Variants in CCDC141 observed in about 807,000 individuals in gnomAD.
CCDC141 encodes the protein coiled-coil domain-containing protein 141.
In CCDC141, 168 loss-of-function variants were observed where a neutral mutation model predicts 181.0. The observed-to-expected ratio is 0.93, with a 90% confidence interval of 0.82 to 1.05. CCDC141 has a LOEUF of 1.05. Ranked by LOEUF, CCDC141 falls within the 50% of genes least tolerant of loss-of-function variation. The pLI is 0.00. For synonymous variants in CCDC141, 666 were observed against 642.3 expected (o/e 1.04, Z -0.56); for missense variants, 1,902 against 1,788.5 (o/e 1.06, Z -1.14).
In CCDC141 at chr2:178,853,494, G is replaced by A. The variant is rs150440298; in HGVS notation, c.3191C>T (p.Pro1064Leu). The change falls in exon 20 of 24, where the codon CCG becomes CTG. Residue 1064 changes from proline to leucine, a missense_variant. Coordinates refer to ENST00000443758, the MANE Select transcript of CCDC141 (RefSeq NM_173648.4). Reference protein sequence around the residue: ...QFNKFIAPSVPQQEERIQEAT... With the variant: ...QFNKFIAPSVLQQEERIQEAT... ...CTCCTGAATCCTTTCTTCTTGCTGC[G>A]GCACTGAGGGTGCAATAAACTTATT... The A allele has an allele frequency of 7.2e-4, 1,167 of 1,614,026 alleles. No individual in the cohort carries two copies. Among genetic ancestry groups the A allele is most frequent in the African/African-American group, 3.3e-3 (246 of 75,016 alleles).
In CCDC141 at chr2:178,918,873, T is replaced by A; in HGVS notation, c.932A>T (p.Glu311Val). 1 of 1,550,666 alleles carries A rather than the reference T, an allele frequency of 6.4e-7. No homozygotes were observed. The highest frequency in any genetic ancestry group is 8.7e-7 in the Non-Finnish European group (1 of 1,146,982). Residue 311 changes from glutamate (E) to valine (V), a missense_variant, in exon 7 of 24, where the codon GAG (glutamate) becomes GTG (valine). Transcript: ENST00000443758. Reference protein sequence around the residue: ...WNSAVEKLKSEALRILLSKDY... With the variant: ...WNSAVEKLKSVALRILLSKDY... Reference sequence around the variant, plus strand: ...CTTTGACAGCAGAATTCTCAGTGCCTCACTCTTCAGCTTCTCAACAGCAGA... The same window carrying A: ...CTTTGACAGCAGAATTCTCAGTGCCACACTCTTCAGCTTCTCAACAGCAGA...
downstream of CCDC141, among the ~76,000 whole-genome samples, chr2:178,829,035 G>A (rs1387680754): frequency 6.6e-6 from 1 of 152,084 alleles, no homozygotes; most frequent in East Asian, 1.9e-4. Context: ...CATTCTAAAT[G>A]GAAAAAGAGC....
At chr2:178,932,015 G>A (rs902805539) in intron 6 of CCDC141, among the ~76,000 whole-genome samples, 10 of 151,800 alleles carry the variant, frequency 6.6e-5, no homozygotes, top group Non-Finnish European at 5.9e-5. Flanking sequence ...AAAATTAGCT[G>A]GGGCATGGTT....
chr2:178,827,055 T>C (rs1684136243), downstream of CCDC141, among the ~76,000 whole-genome samples: 1 of 152,190 alleles, frequency 6.6e-6, no homozygotes, highest in Admixed American at 6.5e-5. Flanking sequence ...TAAGTTATAT[T>C]GGTAATTTCA....
rs1322891425 is a variant in CCDC141, at chr2:178,865,869, G to C, written c.2622C>G (p.Leu874=). 1 of 1,603,258 alleles carries C rather than the reference G, an allele frequency of 6.2e-7. No individual in the cohort carries two copies. Among genetic ancestry groups the C allele is most frequent in the Non-Finnish European group, 8.5e-7 (1 of 1,174,432 alleles). Residue 874 remains leucine, a synonymous_variant, in exon 17 of 24, where the codon CTC becomes CTG. Coordinates refer to ENST00000443758, the MANE Select transcript of CCDC141 (RefSeq NM_173648.4). The part of the protein sequence containing the change: ...SAKNLQQQLE[L]LEEDSMKWRA... ...GCCACTTCATGCTGTCCTCCTCAAG[G>C]AGCTCCAGCTGCTGCTGTAGGTTCT...
chr2:178,837,579 T>G lies in CCDC141; in HGVS notation c.3640A>C (p.Ile1214Leu). 1 of 1,613,920 alleles carries G rather than the reference T, an allele frequency of 6.2e-7. No homozygotes were observed. The highest frequency in any genetic ancestry group is 8.5e-7 in the Non-Finnish European group (1 of 1,179,926). The change falls in exon 23 of 24, where the codon ATC becomes CTC. Residue 1214 changes from isoleucine (I) to leucine (L), a missense_variant. Transcript: ENST00000443758. The stretch of plus-strand genomic sequence containing the variant: ...CTTCCTGGGAGAGGAGGCAAGGAGA[T>G]GTCATCAGGTGAGACACACTCATAT... ...EEYECVSPDD[I>L]SLPPLPGSPE...
At chr2:179,027,005 G>T (rs1344644657) in intron 2 of CCDC141, among the ~76,000 whole-genome samples, 2 of 152,154 alleles carry the variant, frequency 1.3e-5, no homozygotes, top group East Asian at 1.9e-4. Context: ...TAACTAAATT[G>T]CTTTTGATTT....
At chr2:178,916,939 CT>C (rs35684887) in intron 7 of CCDC141, among the ~76,000 whole-genome samples, 74 of 145,122 alleles carry the variant, frequency 5.1e-4, no homozygotes, top group South Asian at 1.7e-3. Flanking sequence ...TCTTCTTCTT[CT>C]TTTTTTTTTT....
chr2:178,923,197 C>T (rs1197190512), intron 6 of CCDC141, among the ~76,000 whole-genome samples: 2 of 150,186 alleles, frequency 1.3e-5, no homozygotes, highest in African/African-American at 2.4e-5. Flanking sequence ...CTCCGCCTCC[C>T]GGGTTCACGC....
intron 2 of CCDC141, among the ~76,000 whole-genome samples, chr2:178,988,852 T>C (rs949909481): frequency 3.3e-5 from 5 of 152,180 alleles, no homozygotes; most frequent in Non-Finnish European, 5.9e-5. Context: ...TGTACCTATA[T>C]GTCTATGGCC....
chr2:179,021,290 C>T (rs1361991336), intron 2 of CCDC141, among the ~76,000 whole-genome samples: 3 of 152,188 alleles, frequency 2.0e-5, no homozygotes, highest in Admixed American at 6.5e-5. Context: ...AATGAACATA[C>T]CACCACTTAA....
At chr2:178,964,068 G>C in intron 4 of CCDC141, among the ~76,000 whole-genome samples, 1 of 152,174 alleles carries the variant, frequency 6.6e-6, no homozygotes, top group East Asian at 1.9e-4. Context: ...TTCTTATGGG[G>C]AGGTCCAAGA....
intron 7 of CCDC141, among the ~76,000 whole-genome samples, chr2:178,914,025 A>G (rs114583416): frequency 2.8e-3 from 421 of 152,354 alleles, no homozygotes; most frequent in African/African-American, 9.7e-3. Context: ...CTTAACAATG[A>G]TAAATACGTT....
chr2:179,030,129 G>A (rs1455282294), intron 2 of CCDC141, among the ~76,000 whole-genome samples: 3 of 151,972 alleles, frequency 2.0e-5, no homozygotes, highest in Non-Finnish European at 2.9e-5. Context: ...CCCTTTGCTT[G>A]TTATTCAGAA....
chr2:178,815,608 AC>A, the CCDC141 span, among the ~76,000 whole-genome samples: 4 of 152,062 alleles, frequency 2.6e-5, no homozygotes, highest in African/African-American at 9.7e-5. Context: ...GGACCCCCTA[AC>A]CCCCAGCGGA....
At chr2:178,876,769 G>A (rs983810101) in intron 12 of CCDC141, 3 of 152,042 alleles carry the variant, frequency 2.0e-5, no homozygotes, top group Non-Finnish European at 4.4e-5. Flanking sequence ...AATATACTAG[G>A]TAGGTTCAAA....
intron 21 of CCDC141, among the ~76,000 whole-genome samples, chr2:178,848,334 T>C (rs1385125731): frequency 1.3e-5 from 2 of 152,186 alleles, no homozygotes; most frequent in Non-Finnish European, 2.9e-5. Flanking sequence ...GGCCTTGAAT[T>C]GGAACTTGAC....
In CCDC141 at chr2:178,831,106, T is replaced by G. The variant is rs1191993269; in HGVS notation, c.*3067A>C. 1 of 152,170 alleles carries G rather than the reference T, an allele frequency of 6.6e-6. No individual in the cohort carries two copies. The highest frequency in any genetic ancestry group is 1.5e-5 in the Non-Finnish European group (1 of 68,008). 9.4% of individuals were successfully genotyped at this position (152,170 alleles called of 1,614,324 possible). Reference sequence around the variant, plus strand: ...GATAGAGGTTACCATTATTGATTAATATAGCTAAAAAATTTTCTGCATCTT... The same window carrying G: ...GATAGAGGTTACCATTATTGATTAAGATAGCTAAAAAATTTTCTGCATCTT... On this transcript the variant is annotated 3_prime_UTR_variant, in exon 24 of 24. Coordinates refer to ENST00000443758, the MANE Select transcript of CCDC141 (RefSeq NM_173648.4).
At chr2:178,860,946 C>T (rs868154156) in intron 17 of CCDC141, among the ~76,000 whole-genome samples, 1 of 152,084 alleles carries the variant, frequency 6.6e-6, no homozygotes, top group African/African-American at 2.4e-5. Context: ...GTTTATTGTT[C>T]AGGAAGTTTC....
Sources: gnomAD v4.1 joint callset for allele counts (sites outside exome capture counted in the v4.1 genomes callset) on GRCh38, gnomAD v4.1.1 for gene constraint, MANE v1.5 for transcripts, NCBI Gene and HGNC (gene_info 2026-07-23, HGNC 2026-07-21) for gene names.